CACNA1D: variants seen among roughly 807,000 people sequenced by gnomAD.
The protein encoded by CACNA1D is voltage-dependent L-type calcium channel subunit alpha-1D.
In CACNA1D, 55 loss-of-function variants were observed where a neutral mutation model predicts 257.1. The ratio of observed to expected loss-of-function variants is 0.21; its 90% CI spans 0.17 to 0.27. CACNA1D has a LOEUF of 0.27. Among genes scored for constraint, CACNA1D ranks in the 10% least tolerant of loss-of-function variants. The pLI is 1.00. For synonymous variants in CACNA1D, 980 were observed against 1,014.9 expected (o/e 0.97, Z 0.65); for missense variants, 1,876 against 2,784.0 (o/e 0.67, Z 7.34).
intron 40 of CACNA1D, chr3:53,791,999 T>C (rs2095485670): frequency 6.6e-6 from 1 of 152,216 alleles, no homozygotes; most frequent in Non-Finnish European, 1.5e-5. Context: ...TTGTGAGGAA[T>C]AGCTAAGTGA....
intron 3 of CACNA1D, among the ~76,000 whole-genome samples, chr3:53,515,054 A>C (rs1329872351): frequency 6.6e-6 from 1 of 152,182 alleles, no homozygotes; most frequent in Non-Finnish European, 1.5e-5. Flanking sequence ...ATTCCCTTGG[A>C]ACACCAAGGA....
intron 8 of CACNA1D, among the ~76,000 whole-genome samples, chr3:53,687,507 C>T (rs1479112571): frequency 7.5e-6 from 1 of 133,168 alleles, no homozygotes; most frequent in Non-Finnish European, 1.5e-5. Context: ...AGAAAGGATA[C>T]TCTTTTTAGT....
intron 3 of CACNA1D, among the ~76,000 whole-genome samples, chr3:53,609,419 A>G (rs1022205931): frequency 2.0e-5 from 3 of 151,810 alleles, no homozygotes; most frequent in Non-Finnish European, 4.4e-5. Context: ...CAAAAAAAAA[A>G]AAAAAAAAAA....
intron 3 of CACNA1D, among the ~76,000 whole-genome samples, chr3:53,627,014 T>TA (rs1272141036): frequency 1.1e-4 from 17 of 152,244 alleles, no homozygotes. Flanking sequence ...TAGGAGCAAG[T>TA]ACCTTTATGC....
intron 3 of CACNA1D, among the ~76,000 whole-genome samples, chr3:53,585,879 ACAGGCAGG>A: frequency 6.6e-6 from 1 of 152,142 alleles, no homozygotes; most frequent in Non-Finnish European, 1.5e-5. Flanking sequence ...TGAAGCTCAC[ACAGGCAGG>A]CAGGGGGAAG....
Position 53,723,330 on chromosome 3 carries a change from G to A in CACNA1D, c.1667-104G>A, listed in dbSNP as rs1467111662. On this transcript the variant is annotated intron_variant, in intron 12 of 47. Coordinates refer to ENST00000350061, the MANE Select transcript of CACNA1D (RefSeq NM_001128840.3). The surrounding 1 kb of genome is among the most constrained non-coding windows in gnomAD (Gnocchi z 5.6). ...TAGTGAAGAGAGAGACAAGGTATTGGCGTATTTCCTGTGGGGCCTGATAGG... is the reference window on the plus strand; with the variant it reads ...TAGTGAAGAGAGAGACAAGGTATTGACGTATTTCCTGTGGGGCCTGATAGG... 8.4e-6 allele frequency: 7 copies of A among 829,138 alleles called. No homozygotes were observed. The highest frequency in any genetic ancestry group is 1.5e-5 in the Non-Finnish European group (7 of 471,720). 51.4% of individuals were successfully genotyped at this position (829,138 alleles called of 1,614,324 possible). A position where few individuals can be genotyped will look rare whatever the true frequency, so the allele number is the denominator to read the frequency against.
At chr3:53,806,042 C>G (rs1162751924) in intron 45 of CACNA1D, among the ~76,000 whole-genome samples, 1 of 137,210 alleles carries the variant, frequency 7.3e-6, no homozygotes, top group African/African-American at 2.8e-5. Context: ...CCTCCTCCCT[C>G]ATGTTCCCTC....
At position 53,516,991 on chromosome 3, in the gene CACNA1D, G is replaced by C. The variant is rs183822603; in HGVS notation, c.483+15271G>C. On this transcript the variant is annotated intron_variant, in intron 3 of 47. Transcript: ENST00000350061. ...TGCTGAATTTGGAGTCCGGTGGCCT[G>C]GCTTTGAGTCCCTGCTCTGTAACTT... Among the ~76,000 whole-genome samples, 218 of 152,298 alleles carry C rather than the reference G, an allele frequency of 1.4e-3. 1 individual carries two copies. Among genetic ancestry groups the C allele is most frequent in the Middle Eastern group, 0.01 (3 of 294 alleles).
chr3:53,557,751 T>G (rs1172110256), intron 3 of CACNA1D, among the ~76,000 whole-genome samples: 3 of 152,232 alleles, frequency 2.0e-5, no homozygotes, highest in Non-Finnish European at 4.4e-5. Flanking sequence ...CTATACTGTT[T>G]TGATTACTAC....
chr3:53,712,284 T>C (rs776361729), intron 9 of CACNA1D, among the ~76,000 whole-genome samples: 2 of 152,198 alleles, frequency 1.3e-5, no homozygotes, highest in African/African-American at 4.8e-5. Context: ...TTTTATTGAC[T>C]GAAATACCTG....
chr3:53,513,672 G>A (rs1055434871), intron 3 of CACNA1D, among the ~76,000 whole-genome samples: 1 of 152,150 alleles, frequency 6.6e-6, no homozygotes, highest in African/African-American at 2.4e-5. Flanking sequence ...TGAGTGTACG[G>A]TATTTATAAA....
intron 11 of CACNA1D, among the ~76,000 whole-genome samples, chr3:53,720,781 T>C (rs2094875090): frequency 6.6e-6 from 1 of 152,236 alleles, no homozygotes; most frequent in Non-Finnish European, 1.5e-5. Context: ...GTGGGAACTT[T>C]CATACAGTGT....
chr3:53,732,642 C>T (rs1311924532), intron 18 of CACNA1D, among the ~76,000 whole-genome samples, 173 bp from the exon 19 acceptor site: 1 of 152,278 alleles, frequency 6.6e-6, no homozygotes, highest in South Asian at 2.1e-4. Context: ...CAGCACCCCC[C>T]ACCCCTGCAA....
chr3:53,713,134 C>A (rs1253935230), intron 9 of CACNA1D, among the ~76,000 whole-genome samples: 1 of 152,194 alleles, frequency 6.6e-6, no homozygotes, highest in African/African-American at 2.4e-5. Flanking sequence ...TTGTGCCCTC[C>A]CCTCCTTGCA....
At chr3:53,647,757 T>C (rs1213357873) in intron 3 of CACNA1D, among the ~76,000 whole-genome samples, 1 of 152,236 alleles carries the variant, frequency 6.6e-6, no homozygotes, top group Non-Finnish European at 1.5e-5. Flanking sequence ...GATTCCTTTT[T>C]AGTGGCAGGA....
At chr3:53,601,327 G>C (rs770627640) in intron 3 of CACNA1D, among the ~76,000 whole-genome samples, 1 of 152,178 alleles carries the variant, frequency 6.6e-6, no homozygotes, top group South Asian at 2.1e-4. Context: ...ATACTAAATA[G>C]GCTCCTTTAA....
chr3:53,769,887 C>A, intron 30 of CACNA1D, 86 bp from the exon 31 acceptor site: 2 of 1,052,502 alleles, frequency 1.9e-6, no homozygotes, highest in East Asian at 2.4e-5. Flanking sequence ...GGGAACCACA[C>A]ATTTTTTTAA....
In CACNA1D at chr3:53,753,644, G is replaced by C. The variant is rs748437057; in HGVS notation, c.3748G>C (p.Val1250Leu). The C allele has an allele frequency of 1.2e-6, 2 of 1,613,292 alleles. No individual in the cohort carries two copies. Among genetic ancestry groups the C allele is most frequent in the Admixed American group, 1.7e-5 (1 of 60,034 alleles). ...CATGGTCTTCACCGGGGTGTTCACC[G>C]TCGAGATGGTTTTGAAAGTCATCGC... is the stretch of plus-strand genomic sequence containing the variant. ...LNMVFTGVFT[V>L]EMVLKVIAFK... The change falls in exon 29 of 48, where the codon GTC becomes CTC. Residue 1250 changes from valine (V) to leucine (L), a missense_variant. Transcript: ENST00000350061.
intron 40 of CACNA1D, 140 bp downstream of exon 40, chr3:53,787,092 A>C: frequency 3.6e-5 from 30 of 825,730 alleles, no homozygotes; most frequent in East Asian, 5.7e-5. Flanking sequence ...ACTCCCCCAA[A>C]TGTGGACTAG....
Sources: allele counts gnomAD v4.1 joint callset (sites outside exome capture counted in the v4.1 genomes callset), GRCh38; gene constraint gnomAD v4.1.1; non-coding constraint Gnocchi (gnomAD v3.1); transcripts MANE v1.5; gene names NCBI Gene and HGNC (gene_info 2026-07-23, HGNC 2026-07-21).